The following IGSF11 variants were observed in gnomAD, a reference collection of about 807,000 sequenced individuals.
IGSF11 encodes the protein CXADR like 1.
A neutral mutation model predicts 41.0 loss-of-function variants in IGSF11; 22 were observed. The ratio of observed to expected loss-of-function variants is 0.54; its 90% confidence interval spans 0.38 to 0.77. IGSF11 has a LOEUF of 0.77. Ranked by LOEUF, IGSF11 falls within the 30% of genes least tolerant of loss-of-function variation. The pLI is 0.00. For synonymous variants in IGSF11, 219 were observed against 201.3 expected (o/e 1.09, Z -0.74); for missense variants, 444 against 530.8 (o/e 0.84, Z 1.61).
chr3:118,923,897 C>T (rs1298005502), intron 4 of IGSF11, among the ~76,000 whole-genome samples: 2 of 152,148 alleles, frequency 1.3e-5, no homozygotes, highest in Non-Finnish European at 2.9e-5. Context: ...TTACTTTGAT[C>T]ACTTGGTTAA....
intron 4 of IGSF11, among the ~76,000 whole-genome samples, chr3:118,912,352 T>C (rs1333091722): frequency 6.6e-6 from 1 of 152,106 alleles, no homozygotes; most frequent in African/African-American, 2.4e-5. Context: ...ACTTGGAGAG[T>C]GGGTGTCATT....
At position 119,121,595 on chromosome 3, in the gene IGSF11, C is replaced by T. The variant is rs373168394; in HGVS notation, c.-13-16390G>A. Reference sequence around the variant, plus strand: ...ATACAAGAAACTACCAAGTATACCGCATATGCAAAACAGAGGCCCAAGAAA... The same window carrying T: ...ATACAAGAAACTACCAAGTATACCGTATATGCAAAACAGAGGCCCAAGAAA... On this transcript the variant is annotated intron_variant, in intron 1 of 7. Transcript: ENST00000425327. Among the ~76,000 whole-genome samples the T allele has an allele frequency of 2.6e-5, 4 of 151,864 alleles. No homozygotes were observed. The East Asian group carries it at 7.7e-4, about 29-fold the overall frequency.
chr3:118,963,848 CA>C (rs1392179940), intron 1 of IGSF11, among the ~76,000 whole-genome samples: 2 of 152,040 alleles, frequency 1.3e-5, no homozygotes, highest in Non-Finnish European at 2.9e-5. Context: ...CTCTAATTGA[CA>C]TTGACTTTAA....
At chr3:119,079,173 C>T (rs2076549449) in intron 1 of IGSF11, among the ~76,000 whole-genome samples, 2 of 152,050 alleles carry the variant, frequency 1.3e-5, no homozygotes, top group African/African-American at 4.8e-5. Context: ...GCCTGATCAA[C>T]ATGGTGAAAT....
chr3:119,070,602 TG>T (rs142398902), intron 1 of IGSF11, among the ~76,000 whole-genome samples: 4,106 of 152,336 alleles, frequency 0.027, 170 homozygotes, highest in African/African-American at 0.093. Context: ...TTTATGTACA[TG>T]TTTTTTTATT....
chr3:119,124,275 T>G (rs2077371802), intron 1 of IGSF11, among the ~76,000 whole-genome samples: 1 of 147,306 alleles, frequency 6.8e-6, no homozygotes, highest in Non-Finnish European at 1.5e-5. Flanking sequence ...CCTTTTTTTT[T>G]TTTTTTTTTT....
Position 118,928,672 on chromosome 3 carries a change from C to A in IGSF11, c.261G>T (p.Arg87=), listed in dbSNP as rs753273244. 3.7e-6 allele frequency: 6 copies of A among 1,614,054 alleles called. No homozygotes were observed. Among genetic ancestry groups the A allele is most frequent in the Middle Eastern group, 1.7e-4 (1 of 6,058 alleles). The change falls in exon 3 of 7, where the codon CGG becomes CGT. Residue 87 remains arginine, a synonymous_variant. Transcript: ENST00000393775. ...QGGQMFDGAP[R]FHGRVGFTGT... Reference sequence around the variant, plus strand: ...CTGTAAATCCTACCCTACCGTGGAACCGGGGGGCACCATCAAACATCTGTC... The same window carrying A: ...CTGTAAATCCTACCCTACCGTGGAAACGGGGGGCACCATCAAACATCTGTC...
chr3:118,980,329 A>T (rs1293520046), intron 1 of IGSF11, among the ~76,000 whole-genome samples: 1 of 152,222 alleles, frequency 6.6e-6, no homozygotes, highest in Non-Finnish European at 1.5e-5. Flanking sequence ...ATACAATGGA[A>T]ATCTATTGAC....
chr3:119,067,711 A>G (rs1489315334), intron 1 of IGSF11, among the ~76,000 whole-genome samples: 1 of 152,124 alleles, frequency 6.6e-6, no homozygotes, highest in Non-Finnish European at 1.5e-5. Context: ...ACTACTAAAA[A>G]CTTTATTTCA....
At chr3:119,001,874 T>C (rs1419056246) in intron 1 of IGSF11, among the ~76,000 whole-genome samples, 2 of 128,000 alleles carry the variant, frequency 1.6e-5, no homozygotes, top group Non-Finnish European at 3.2e-5. Flanking sequence ...TCTATCGTTG[T>C]TGGACATTTG....
intron 1 of IGSF11, among the ~76,000 whole-genome samples, chr3:119,092,561 C>A (rs1008530108): frequency 2.6e-5 from 4 of 152,052 alleles, no homozygotes; most frequent in Non-Finnish European, 5.9e-5. Context: ...AACTCCTGAC[C>A]TCAGGTGATC....
intron 1 of IGSF11, among the ~76,000 whole-genome samples, chr3:118,975,202 T>C (rs1422057507): frequency 1.3e-5 from 2 of 152,170 alleles, no homozygotes; most frequent in Non-Finnish European, 2.9e-5. Flanking sequence ...ACAAAAAAAT[T>C]AAAATAAAAT....
intron 1 of IGSF11, among the ~76,000 whole-genome samples, chr3:119,138,637 A>G (rs187553344): frequency 2.2e-4 from 34 of 152,262 alleles, no homozygotes; most frequent in Non-Finnish European, 4.0e-4. Context: ...GTGAGCTGAG[A>G]TTGTTCCACT....
rs887487257 is a variant in IGSF11 at position 118,930,055 on chromosome 3, C to A, written c.216+57G>T. On this transcript the variant is annotated intron_variant, in intron 2 of 6. Coordinates refer to ENST00000393775, the MANE Select transcript of IGSF11 (RefSeq NM_001015887.3). ...AGATGTACTCATGATGCTTCCCTAC[C>A]AACCTCCTCTGAAAAGATTAACCTT... is the stretch of plus-strand genomic sequence containing the variant. 3.0e-5 allele frequency: 46 copies of A among 1,527,778 alleles called. 2 individuals are homozygous for A. In the South Asian group the frequency reaches 5.8e-4, roughly 19 times the overall value. The allele number at this position is 1,527,778 out of a possible 1,614,324, so 94.6% of individuals were successfully genotyped here. A position where few individuals can be genotyped will look rare whatever the true frequency, so the allele number is the denominator to read the frequency against.
At chr3:119,134,651 A>G (rs138125649) in intron 1 of IGSF11, among the ~76,000 whole-genome samples, 1 of 152,356 alleles carries the variant, frequency 6.6e-6, no homozygotes, top group African/African-American at 2.4e-5. Flanking sequence ...AAGGTAATTT[A>G]TAGATTTAAT....
chr3:119,018,689 A>T (rs1228665643), intron 1 of IGSF11, among the ~76,000 whole-genome samples: 1 of 152,238 alleles, frequency 6.6e-6, no homozygotes, highest in Non-Finnish European at 1.5e-5. Context: ...TTAATGAATA[A>T]ACATACATAA....
At chr3:118,985,518 G>A (rs2107643189) in intron 1 of IGSF11, among the ~76,000 whole-genome samples, 1 of 152,246 alleles carries the variant, frequency 6.6e-6, no homozygotes, top group African/African-American at 2.4e-5. Context: ...CTGGCTGCCG[G>A]TCTTCCCTCC....
chr3:118,902,702 G>T lies in IGSF11; in HGVS notation c.1114C>A (p.Leu372Met). The change falls in exon 7 of 7, where the codon CTG (leucine) becomes ATG (methionine). Residue 372 changes from leucine (L) to methionine (M), a missense_variant. Leu to Met is a conservative substitution (Grantham distance 15, BLOSUM62 2). Around this residue, in one of 3 missense-constraint regions of IGSF11, gnomAD observed 223 missense variants for 226.2 expected, o/e 0.99. Transcript: ENST00000393775. ...THLVPGQHKT[L>M]VVTANRGSSP... Reference sequence around the variant, plus strand: ...GACCCTCTGTTGGCTGTCACTACCAGAGTCTTATGTTGACCCGGGACCAGA... The same window carrying T: ...GACCCTCTGTTGGCTGTCACTACCATAGTCTTATGTTGACCCGGGACCAGA... The T allele has an allele frequency of 6.2e-7, 1 of 1,614,152 alleles. No homozygotes were observed. The highest frequency in any genetic ancestry group is 8.5e-7 in the Non-Finnish European group (1 of 1,180,010).
intron 1 of IGSF11, among the ~76,000 whole-genome samples, chr3:118,985,473 T>C (rs1311100681): frequency 6.6e-6 from 1 of 152,214 alleles, no homozygotes; most frequent in Non-Finnish European, 1.5e-5. Flanking sequence ...GTTTCTGGCC[T>C]TGACCTCTGT....
Sources: gnomAD v4.1 joint callset for allele counts (sites outside exome capture counted in the v4.1 genomes callset) on GRCh38, gnomAD v4.1.1 for gene constraint, gnomAD v4.1.1 regional missense constraint, MANE v1.5 for transcripts, NCBI Gene and HGNC (gene_info 2026-07-23, HGNC 2026-07-21) for gene names.